The following ERG variants were observed in gnomAD, a reference collection of about 807,000 sequenced individuals.
ERG encodes the protein transcriptional regulator ERG.
ERG carries 9 observed loss-of-function variants against 55.3 expected under a neutral mutation model. The observed-to-expected ratio is 0.16, with a 90% CI of 0.10 to 0.28. ERG has a LOEUF of 0.28. Among genes scored for constraint, ERG ranks in the 10% least tolerant of loss-of-function variants. The pLI, the probability that ERG is intolerant of heterozygous loss-of-function variation, is 1.00. For missense variants in ERG, 434 were observed against 631.6 expected, an observed-to-expected ratio of 0.69 and a Z score of 3.35; for synonymous variants, 223 against 237.3, an observed-to-expected ratio of 0.94 and a Z score of 0.55.
At chr21:38,540,136 T>A (rs1249680025) in intron 2 of ERG, among the ~76,000 whole-genome samples, 1 of 152,082 alleles carries the variant, frequency 6.6e-6, no homozygotes, top group Non-Finnish European at 1.5e-5. Context: ...CCTCAAGTGA[T>A]CCACCCATCT....
intron 1 of ERG, among the ~76,000 whole-genome samples, chr21:38,634,626 A>C (rs922017341): frequency 6.6e-6 from 1 of 152,216 alleles, no homozygotes; most frequent in Admixed American, 6.5e-5. Context: ...TGCTAAGAAA[A>C]TCTTCACTAC....
At chr21:38,430,184 T>C (rs1990140388) in intron 2 of ERG, among the ~76,000 whole-genome samples, 1 of 152,218 alleles carries the variant, frequency 6.6e-6, no homozygotes. Flanking sequence ...GTTGAGTGTT[T>C]TTTCATGTTT....
At chr21:38,428,699 G>T (rs771198014) in intron 2 of ERG, among the ~76,000 whole-genome samples, 3 of 152,162 alleles carry the variant, frequency 2.0e-5, no homozygotes, top group Admixed American at 6.5e-5. Flanking sequence ...ACTTGCATAT[G>T]TGTGTTGCAG....
downstream of ERG, among the ~76,000 whole-genome samples, chr21:38,376,157 C>A (rs1987236315): frequency 1.3e-5 from 2 of 152,092 alleles, no homozygotes; most frequent in East Asian, 1.9e-4. Flanking sequence ...ATCCAGTGAC[C>A]ATTGCATAGT....
chr21:38,615,989 C>G (rs777315875), intron 1 of ERG, among the ~76,000 whole-genome samples: 11 of 152,030 alleles, frequency 7.2e-5, no homozygotes, highest in Non-Finnish European at 1.0e-4. Flanking sequence ...AATTTGTAAT[C>G]CCCACGTGTC....
intron 1 of ERG, among the ~76,000 whole-genome samples, chr21:38,625,111 T>A (rs1308000386): frequency 6.6e-6 from 1 of 151,358 alleles, no homozygotes; most frequent in Admixed American, 6.6e-5. Context: ...CCTTTGAGAA[T>A]TTTTTTTTAG....
chr21:38,510,189 T>A (rs1281306437), intron 2 of ERG, among the ~76,000 whole-genome samples: 1 of 152,208 alleles, frequency 6.6e-6, no homozygotes, highest in Non-Finnish European at 1.5e-5. Flanking sequence ...AGTCAAGTTA[T>A]CATAATTAAA....
intron 1 of ERG, among the ~76,000 whole-genome samples, chr21:38,481,028 C>T (rs1053778426): frequency 6.6e-6 from 1 of 152,188 alleles, no homozygotes; most frequent in African/African-American, 2.4e-5. Flanking sequence ...AGCATCCTAG[C>T]TCTCTTAGGA....
chr21:38,599,680 A>G (rs2060152980), intron 1 of ERG, among the ~76,000 whole-genome samples: 1 of 152,228 alleles, frequency 6.6e-6, no homozygotes. Context: ...CAGGACGAAC[A>G]ATAGGCTTTT....
intron 2 of ERG, among the ~76,000 whole-genome samples, chr21:38,562,580 T>C (rs1268037738): frequency 6.6e-6 from 1 of 152,230 alleles, no homozygotes; most frequent in Non-Finnish European, 1.5e-5. Flanking sequence ...TCCTCCTGCA[T>C]GCAAAAGTAC....
At chr21:38,467,871 G>A (rs925570572) in intron 1 of ERG, among the ~76,000 whole-genome samples, 4 of 152,164 alleles carry the variant, frequency 2.6e-5, no homozygotes, top group African/African-American at 7.2e-5. Flanking sequence ...GCACACTTAC[G>A]GCATGTGTGC....
intron 2 of ERG, among the ~76,000 whole-genome samples, chr21:38,575,113 G>A (rs2059986814): frequency 6.6e-6 from 1 of 152,190 alleles, no homozygotes; most frequent in African/African-American, 2.4e-5. Context: ...AGCAGCCAGG[G>A]CAGGTGTGAG....
At chr21:38,574,363 C>T (rs1378682052) in intron 2 of ERG, among the ~76,000 whole-genome samples, 1 of 152,186 alleles carries the variant, frequency 6.6e-6, no homozygotes, top group Non-Finnish European at 1.5e-5. Flanking sequence ...CCCAACAAAA[C>T]ATCACACAGA....
At chr21:38,587,538 A>T (rs2060073926), upstream of ERG, among the ~76,000 whole-genome samples, 1 of 151,966 alleles carries the variant, frequency 6.6e-6, no homozygotes, top group African/African-American at 2.4e-5. Context: ...TTTGTATTTT[A>T]GTAGAGACGG....
chr21:38,527,401 C>T (rs1308222344), intron 2 of ERG, among the ~76,000 whole-genome samples: 1 of 152,126 alleles, frequency 6.6e-6, no homozygotes, highest in Admixed American at 6.5e-5. Context: ...TTTTTAAAAC[C>T]CTGTGGTTGG....
At chr21:38,497,284 G>A (rs528388499) in intron 1 of ERG, among the ~76,000 whole-genome samples, 8 of 152,296 alleles carry the variant, frequency 5.3e-5, no homozygotes, top group East Asian at 1.9e-4. Context: ...CCAATTCTGG[G>A]CAAACTTCCA....
intron 1 of ERG, among the ~76,000 whole-genome samples, chr21:38,613,920 C>A (rs779590793): frequency 1.3e-5 from 2 of 152,174 alleles, no homozygotes; most frequent in African/African-American, 2.4e-5. Flanking sequence ...AAGGTCAGTT[C>A]AGGACTTCAG....
intron 1 of ERG, among the ~76,000 whole-genome samples, chr21:38,658,711 G>C (rs2060534333): frequency 6.6e-6 from 1 of 152,194 alleles, no homozygotes; most frequent in Admixed American, 6.5e-5. Flanking sequence ...ACGTCTTTCA[G>C]AGATGCTTTC....
chr21:38,540,084 C>T (rs1351983851), intron 2 of ERG, among the ~76,000 whole-genome samples: 2 of 151,820 alleles, frequency 1.3e-5, no homozygotes, highest in Admixed American at 6.6e-5. Flanking sequence ...TTAGTAGATA[C>T]GGGGTTTCAC....
Sources: allele counts gnomAD v4.1 joint callset (sites outside exome capture counted in the v4.1 genomes callset), GRCh38; gene constraint gnomAD v4.1.1; transcripts MANE v1.5; gene names NCBI Gene and HGNC (gene_info 2026-07-23, HGNC 2026-07-21).